Variants in SLC16A10 observed in about 807,000 individuals in gnomAD.
SLC16A10 encodes monocarboxylate transporter 10.
SLC16A10 carries 27 observed loss-of-function variants against 40.0 expected under a neutral mutation model. The ratio of observed to expected loss-of-function variants is 0.67; its 90% CI spans 0.50 to 0.93. The LOEUF is 0.93. SLC16A10 is among the 40% of genes least tolerant of loss of function. SLC16A10 has a pLI of 0.00. For synonymous variants in SLC16A10, 213 were observed against 249.8 expected, an observed-to-expected ratio of 0.85 and a Z score of 1.39; for missense variants, 529 against 658.2, an observed-to-expected ratio of 0.80 and a Z score of 2.15.
Position 111,217,087 on chromosome 6 carries a change from C to T in SLC16A10, c.1087-1727C>T, listed in dbSNP as rs943988769. Among the ~76,000 whole-genome samples, 5 of 152,318 alleles carry T rather than the reference C, an allele frequency of 3.3e-5. No individual in the cohort carries two copies. The South Asian group carries it at 1.0e-3, about 32-fold the overall frequency. ...CATACAGCTGCTTTATCTGGTCTCT[C>T]CTTCCTCCCTAGCCTGACTGCTATT... On this transcript the variant is annotated intron_variant, in intron 4 of 5. Coordinates refer to ENST00000368851, the MANE Select transcript of SLC16A10 (RefSeq NM_018593.5).
chr6:111,204,746 A>C (rs1391294408), intron 3 of SLC16A10, among the ~76,000 whole-genome samples: 1 of 152,192 alleles, frequency 6.6e-6, no homozygotes, highest in African/African-American at 2.4e-5. Flanking sequence ...ATTAGGTGCC[A>C]ACATTTCCAC....
chr6:111,215,417 A>T (rs1336094710), intron 4 of SLC16A10, among the ~76,000 whole-genome samples: 1 of 138,348 alleles, frequency 7.2e-6, no homozygotes, highest in Non-Finnish European at 1.6e-5. Context: ...CTGGTGTTAA[A>T]AAAAAAAAAA....
At chr6:111,171,972 G>A (rs1772594425) in intron 1 of SLC16A10, among the ~76,000 whole-genome samples, 1 of 152,132 alleles carries the variant, frequency 6.6e-6, no homozygotes, top group African/African-American at 2.4e-5. Context: ...GAGACTTCCA[G>A]AGCTGCATAG....
chr6:111,180,625 G>A (rs1583347825), intron 3 of SLC16A10, among the ~76,000 whole-genome samples: 1 of 152,200 alleles, frequency 6.6e-6, no homozygotes, highest in South Asian at 2.1e-4. Flanking sequence ...CCTCCTAGTG[G>A]CAGCCTTTTA....
At position 111,099,748 on chromosome 6, in the gene SLC16A10, C is replaced by A. The variant is rs997342173; in HGVS notation, c.343+11653C>A. On this transcript the variant is annotated intron_variant, in intron 1 of 5. Coordinates refer to ENST00000368851, the MANE Select transcript of SLC16A10 (RefSeq NM_018593.5). ...TGCATTAAAAATGATTAAGGCTGGGCAGAATGGCTCATGCCTGTAATCCCA... is the reference window on the plus strand; with the variant it reads ...TGCATTAAAAATGATTAAGGCTGGGAAGAATGGCTCATGCCTGTAATCCCA... Among the ~76,000 whole-genome samples the A allele has an allele frequency of 2.6e-5, 4 of 152,092 alleles. No homozygotes were observed. The South Asian group carries it at 8.3e-4, about 32-fold the overall frequency.
At chr6:111,215,980 A>G (rs1396268827) in intron 4 of SLC16A10, among the ~76,000 whole-genome samples, 1 of 152,250 alleles carries the variant, frequency 6.6e-6, no homozygotes, top group African/African-American at 2.4e-5. Flanking sequence ...TGGGCAACAA[A>G]GTGAGACCTG....
rs2114547975 is a variant in SLC16A10 at position 111,177,266 on chromosome 6, C to A, written c.543C>A (p.Ser181=). ...GAATCATATTTGCCTGCGGCTGCTC[C>A]TTTGCATACCAGCCTTCATTGGTCA... is the stretch of plus-strand genomic sequence containing the variant. ...TYGIIFACGC[S]FAYQPSLVIL... Residue 181 remains serine (S), a synonymous_variant, in exon 3 of 6, where the codon TCC becomes TCA. Coordinates refer to ENST00000368851, the MANE Select transcript of SLC16A10 (RefSeq NM_018593.5). 4 of 1,599,080 alleles carry A rather than the reference C, an allele frequency of 2.5e-6. No homozygotes were observed. The East Asian group carries it at 8.9e-5, about 36-fold the overall frequency.
chr6:111,090,593 T>C (rs1017035543), intron 1 of SLC16A10, among the ~76,000 whole-genome samples: 5 of 152,240 alleles, frequency 3.3e-5, no homozygotes, highest in Admixed American at 6.5e-5. Context: ...GATCTCTCTC[T>C]CTTCCCCTGT....
In SLC16A10 at chr6:111,219,062, A is replaced by T. The variant is rs753063730; in HGVS notation, c.1315+20A>T. 6.3e-7 allele frequency: 1 copy of T among 1,592,590 alleles called. No individual in the cohort carries two copies. Among genetic ancestry groups the T allele is most frequent in the Non-Finnish European group, 8.6e-7 (1 of 1,160,994 alleles). ...TTGCAGGTAAATATAATGATTCTCC[A>T]GTAGTTATATTAATTCATAGTATTT... is the stretch of plus-strand genomic sequence containing the variant. On this transcript the variant is annotated intron_variant, in intron 5 of 5. Transcript: ENST00000368851.
rs544273173 is a variant in SLC16A10, at chr6:111,096,415, G to A, written c.343+8320G>A. Among the ~76,000 whole-genome samples, 10 of 152,294 alleles carry A rather than the reference G, an allele frequency of 6.6e-5. No individual in the cohort carries two copies. In the South Asian group the frequency reaches 8.3e-4, roughly 13 times the overall value. ...CCTGCCTTGGCCTGGTGCCACCCAC[G>A]CAGGGACTGTGGATGTTTTTATTGG... On this transcript the variant is annotated intron_variant, in intron 1 of 5. Transcript: ENST00000368851.
intron 1 of SLC16A10, among the ~76,000 whole-genome samples, chr6:111,148,370 C>G (rs975086439): frequency 6.6e-6 from 1 of 152,160 alleles, no homozygotes; most frequent in African/African-American, 2.4e-5. Context: ...TAACTTCTTG[C>G]TATTCAATAG....
intron 1 of SLC16A10, among the ~76,000 whole-genome samples, chr6:111,096,893 C>A (rs1175472084): frequency 6.6e-6 from 1 of 151,992 alleles, no homozygotes; most frequent in Non-Finnish European, 1.5e-5. Flanking sequence ...TGTGATGGCT[C>A]ACCATAACCT....
At position 111,087,980 on chromosome 6, in the gene SLC16A10, G is replaced by A; in HGVS notation, c.228G>A (p.Ala76=). 1 of 1,611,286 alleles carries A rather than the reference G, an allele frequency of 6.2e-7. No individual in the cohort carries two copies. The highest frequency in any genetic ancestry group is 1.3e-5 in the African/African-American group (1 of 74,946). Residue 76 remains alanine, a synonymous_variant, in exon 1 of 6, where the codon GCG becomes GCA. Coordinates refer to ENST00000368851, the MANE Select transcript of SLC16A10 (RefSeq NM_018593.5). ...GCTGGGGCTGGCTGGTGATGCTGGCGGCCATGTGGTGCAACGGGTCGGTGT... is the reference window on the plus strand; with the variant it reads ...GCTGGGGCTGGCTGGTGATGCTGGCAGCCATGTGGTGCAACGGGTCGGTGT... ...EGGWGWLVML[A]AMWCNGSVFG... is the part of the protein sequence containing the mutation.
rs371725570 is a variant in SLC16A10, at chr6:111,172,675, C to T, written c.344-20C>T. ...ACTTACCATGTCATAATTCCCCCCA[C>T]GCTTTCCCTTCTTTTACAGCATGGG... On this transcript the variant is annotated intron_variant, in intron 1 of 5. Transcript: ENST00000368851. The T allele has an allele frequency of 9.3e-5, 149 of 1,608,592 alleles. No homozygotes were observed. The highest frequency in any genetic ancestry group is 1.2e-4 in the Non-Finnish European group (139 of 1,176,040).
intron 1 of SLC16A10, among the ~76,000 whole-genome samples, chr6:111,098,459 C>T (rs920044315): frequency 6.6e-6 from 1 of 152,102 alleles, no homozygotes; most frequent in African/African-American, 2.4e-5. Flanking sequence ...TAAATTGTAT[C>T]AGCAGTGTTC....
intron 4 of SLC16A10, among the ~76,000 whole-genome samples, chr6:111,212,185 C>G (rs2114588618): frequency 6.6e-6 from 1 of 152,248 alleles, no homozygotes; most frequent in South Asian, 2.1e-4. Flanking sequence ...CACCCCAGTT[C>G]TACCACCAAC....
At chr6:111,088,314 G>C (rs1444575098) in intron 1 of SLC16A10, among the ~76,000 whole-genome samples, 1 of 152,226 alleles carries the variant, frequency 6.6e-6, no homozygotes, top group South Asian at 2.1e-4. Flanking sequence ...AGAGCTGTGT[G>C]TTTGCAAGCA....
intron 2 of SLC16A10, chr6:111,173,574 G>C (rs1772626883): frequency 6.6e-6 from 1 of 152,134 alleles, no homozygotes; most frequent in Non-Finnish European, 1.5e-5. Context: ...CCCATTACTT[G>C]CATTACCACC....
At chr6:111,174,514 C>T (rs1004976563) in intron 2 of SLC16A10, among the ~76,000 whole-genome samples, 4 of 151,476 alleles carry the variant, frequency 2.6e-5, no homozygotes, top group South Asian at 4.2e-4. Context: ...CTTTAAAGTA[C>T]CTTTATGGGT....
Sources: allele counts gnomAD v4.1 joint callset (sites outside exome capture counted in the v4.1 genomes callset), GRCh38; gene constraint gnomAD v4.1.1; transcripts MANE v1.5; gene names NCBI Gene and HGNC (gene_info 2026-07-23, HGNC 2026-07-21).